The following NADSYN1 variants were observed in gnomAD, a reference collection of about 807,000 sequenced individuals.
NADSYN1 encodes the protein NAD synthetase 1, also known as glutamine-dependent NAD(+) synthetase.
Under a neutral mutation model 99.3 loss-of-function variants are expected in NADSYN1, and 80 were observed. That is an observed-to-expected ratio of 0.81 (90% CI 0.67 to 0.97). The LOEUF is 0.97. Ranked by LOEUF, NADSYN1 falls within the 50% of genes least tolerant of loss-of-function variation. The pLI is 0.00. For missense variants in NADSYN1, 859 were observed against 948.5 expected, an observed-to-expected ratio of 0.91 and a Z score of 1.24; for synonymous variants, 385 against 372.1, an observed-to-expected ratio of 1.03 and a Z score of -0.40.
At chr11:71,476,179 C>A in intron 9 of NADSYN1, 1 of 451,362 alleles carries the variant, frequency 2.2e-6, no homozygotes, top group Non-Finnish European at 4.5e-6. Flanking sequence ...CGCGGGTCCA[C>A]AGCACTGCCT....
In NADSYN1 at chr11:71,478,419, C is replaced by T; in HGVS notation, c.823C>T (p.Leu275=). The T allele has an allele frequency of 6.2e-7, 1 of 1,609,322 alleles. No individual in the cohort carries two copies. Among genetic ancestry groups the T allele is most frequent in the Non-Finnish European group, 8.5e-7 (1 of 1,177,976 alleles). ...GGAAGTCCTGACGGCCACGCTGGAT[C>T]TGGAGGACGTCCGGAGCTACAGGGC... ...DVEVLTATLD[L]EDVRSYRAEI... is the part of the protein sequence containing the mutation. Residue 275 remains leucine, a synonymous_variant, in exon 10 of 21, where the codon CTG becomes TTG. Transcript: ENST00000319023.
intron 13 of NADSYN1, chr11:71,482,603 G>A (rs1274425443): frequency 2.2e-6 from 1 of 444,518 alleles, no homozygotes; most frequent in Non-Finnish European, 4.1e-6. Context: ...GTAGACCGGG[G>A]TGGAGTCACA....
Position 71,485,493 on chromosome 11 carries a change from C to T in NADSYN1, c.1456-49C>T, listed in dbSNP as rs138812973. ...AGAGTTTGTGGGTGTGCGTCTCCCC[C>T]GTGTTCCTTTGCAAGGGAACCCGTT... On this transcript the variant is annotated intron_variant, in intron 15 of 20. Transcript: ENST00000319023. 3.1e-3 allele frequency: 4,429 copies of T among 1,418,950 alleles called. 9 individuals are homozygous for T. Among genetic ancestry groups the T allele is most frequent in the South Asian group, 3.7e-3 (289 of 77,092 alleles). 87.9% of individuals were successfully genotyped at this position (1,418,950 alleles called of 1,614,324 possible). A position where few individuals can be genotyped will look rare whatever the true frequency, so the allele number is the denominator to read the frequency against.
chr11:71,459,283 C>T (rs994015794), intron 3 of NADSYN1, among the ~76,000 whole-genome samples: 3 of 147,492 alleles, frequency 2.0e-5, no homozygotes, highest in Admixed American at 6.8e-5. Context: ...TAGCTGGTCC[C>T]TATGGAGGCC....
At position 71,477,252 on chromosome 11, in the gene NADSYN1, G is replaced by A. The variant is rs528855791; in HGVS notation, c.799-1143G>A. The stretch of plus-strand genomic sequence containing the variant: ...CTGTTAACCTAGCCTCGGGGAGAGT[G>A]GGATGGAGCCACCTTCTCATGGAAC... On this transcript the variant is annotated intron_variant, in intron 9 of 20. Coordinates refer to ENST00000319023, the MANE Select transcript of NADSYN1 (RefSeq NM_018161.5). The A allele has an allele frequency of 7.4e-5, 91 of 1,224,830 alleles. No homozygotes were observed. The East Asian group carries it at 4.7e-3, about 64-fold the overall frequency. 75.9% of individuals were successfully genotyped at this position (1,224,830 alleles called of 1,614,324 possible).
intron 16 of NADSYN1, among the ~76,000 whole-genome samples, chr11:71,486,866 C>T (rs1265552142): frequency 7.4e-6 from 1 of 134,400 alleles, no homozygotes; most frequent in Non-Finnish European, 1.5e-5. Flanking sequence ...AGTGCAGTGG[C>T]GCGATCTCGG....
intron 10 of NADSYN1, 129 bp downstream of exon 10, chr11:71,478,598 T>C (rs1056549254): frequency 1.1e-5 from 9 of 820,506 alleles, no homozygotes; most frequent in Non-Finnish European, 1.8e-5. Flanking sequence ...GTTCCGGACT[T>C]CCCGAGCGTG....
intron 10 of NADSYN1, chr11:71,479,586 A>G (rs4944063): frequency 0.89 from 135,808 of 152,284 alleles, 61,033 homozygotes; most frequent in Non-Finnish European, 0.95. Flanking sequence ...TGGCAACCAC[A>G]AGTCTACTGT....
At chr11:71,454,732 A>C (rs1199292370) in intron 1 of NADSYN1, among the ~76,000 whole-genome samples, 1 of 152,128 alleles carries the variant, frequency 6.6e-6, no homozygotes, top group East Asian at 1.9e-4. Context: ...TTTTTCCTCT[A>C]GATGGTGTTG....
chr11:71,492,152 C>T (rs940095086), intron 18 of NADSYN1, among the ~76,000 whole-genome samples: 5 of 152,144 alleles, frequency 3.3e-5, no homozygotes, highest in African/African-American at 1.2e-4. Context: ...AGATGGCGGG[C>T]GGAGGAACGC....
intron 9 of NADSYN1, chr11:71,476,224 C>A (rs1003436044): frequency 2.0e-5 from 8 of 402,254 alleles, no homozygotes; most frequent in Non-Finnish European, 3.5e-5. Context: ...GTCTTTGGAC[C>A]CGACGGCCTT....
chr11:71,453,840 G>A (rs889828913), intron 1 of NADSYN1, among the ~76,000 whole-genome samples: 5 of 152,158 alleles, frequency 3.3e-5, no homozygotes, highest in African/African-American at 4.8e-5. Flanking sequence ...AGAAAAAGAC[G>A]CCTGTCATCC....
intron 18 of NADSYN1, among the ~76,000 whole-genome samples, chr11:71,494,047 T>G (rs564401192): frequency 6.6e-6 from 1 of 152,274 alleles, no homozygotes; most frequent in South Asian, 2.1e-4. Flanking sequence ...CTAAGGTTAA[T>G]TTATTATTGA....
At chr11:71,473,403 C>A (rs1378393988) in intron 7 of NADSYN1, 37 bp downstream of exon 7, 1 of 1,593,690 alleles carries the variant, frequency 6.3e-7, no homozygotes, top group Non-Finnish European at 8.6e-7. Flanking sequence ...GATCGCCCAC[C>A]TCATATGGGC....
At chr11:71,480,388 G>A (rs1206565780) in intron 10 of NADSYN1, 5 of 242,296 alleles carry the variant, frequency 2.1e-5, no homozygotes, top group South Asian at 4.6e-5. Context: ...TGGTCTGGCT[G>A]GTCTCGAACT....
intron 1 of NADSYN1, among the ~76,000 whole-genome samples, chr11:71,454,714 C>CT (rs1236820349): frequency 6.6e-6 from 1 of 152,344 alleles, no homozygotes; most frequent in East Asian, 1.9e-4. Context: ...TCGTAATCCT[C>CT]TAAGTCCTTT....
chr11:71,482,732 G>A lies in NADSYN1; in HGVS notation c.1151-117G>A. On this transcript the variant is annotated intron_variant, in intron 13 of 20. Coordinates refer to ENST00000319023, the MANE Select transcript of NADSYN1 (RefSeq NM_018161.5). ...CGGGGTGGAGCCGCACAGGCACCTG[G>A]GGGTGTAGACCGGGGTGGAGCCGCA... 3 of 1,176,692 alleles carry A rather than the reference G, an allele frequency of 2.5e-6. No individual in the cohort carries two copies. In the South Asian group the frequency reaches 4.6e-5, roughly 18 times the overall value. 72.9% of individuals were successfully genotyped at this position (1,176,692 alleles called of 1,614,324 possible). A position where few individuals can be genotyped will look rare whatever the true frequency, so the allele number is the denominator to read the frequency against.
Position 71,482,698 on chromosome 11 carries a change from G to T in NADSYN1, c.1151-151G>T, listed in dbSNP as rs576534284. ...GGGTGGAGCCGCACAGGCACCTGGG[G>T]GTGTAGACCGGGGTGGAGCCGCACA... On this transcript the variant is annotated intron_variant, in intron 13 of 20. Transcript: ENST00000319023. 65 of 618,980 alleles carry T rather than the reference G, an allele frequency of 1.1e-4. No individual in the cohort carries two copies. In the African/African-American group the frequency reaches 1.2e-3, roughly 11 times the overall value. 38.3% of individuals were successfully genotyped at this position (618,980 alleles called of 1,614,324 possible). A position where few individuals can be genotyped will look rare whatever the true frequency, so the allele number is the denominator to read the frequency against.
chr11:71,464,844 A>G lies in NADSYN1; in HGVS notation c.407+702A>G, dbSNP rs564854758. 8.2e-3 allele frequency among the ~76,000 whole-genome samples: 1,110 copies of G among 136,050 alleles called. 17 individuals carry two copies. Among genetic ancestry groups the G allele is most frequent in the African/African-American group, 0.029 (1,048 of 36,396 alleles). 89.3% of individuals were successfully genotyped at this position (136,050 alleles called of 152,430 possible). ...GATTGCGCCACTGCACTCCAGCCTG[A>G]GCAACAGAGCGAGACTCTGTCTCAA... is the stretch of plus-strand genomic sequence containing the variant. On this transcript the variant is annotated intron_variant, in intron 5 of 20. Transcript: ENST00000319023.
Sources: allele counts gnomAD v4.1 joint callset (sites outside exome capture counted in the v4.1 genomes callset), GRCh38; gene constraint gnomAD v4.1.1; transcripts MANE v1.5; gene names NCBI Gene and HGNC (gene_info 2026-07-23, HGNC 2026-07-21).